The following TERF2 variants were observed in gnomAD, a reference collection of about 807,000 sequenced individuals.
The protein encoded by TERF2 is telomeric repeat-binding factor 2.
A neutral mutation model predicts 56.1 loss-of-function variants in TERF2; 16 were observed. That is an observed-to-expected ratio of 0.29 (90% CI 0.19 to 0.43). The LOEUF (loss-of-function observed/expected upper bound fraction) is 0.43, where lower values mean the gene tolerates loss of function less well. TERF2 is among the 20% of genes least tolerant of loss of function. The probability of loss-of-function intolerance (pLI) is 1.00; values close to 1 mark genes in which losing one functional copy is unlikely to be tolerated. For missense variants in TERF2, 547 were observed against 712.9 expected (o/e 0.77, Z 2.65); for synonymous variants, 296 against 282.1 (o/e 1.05, Z -0.50).
Position 69,356,741 on chromosome 16 carries a change from A to C in TERF2, c.*157T>G. ...CGTGAGCCCGGGAGACGGAGGTCGC[A>C]GTGAGCCGAGATCACGCCACTGCAC... is the stretch of plus-strand genomic sequence containing the variant. On this transcript the variant is annotated 3_prime_UTR_variant, in exon 10 of 10. Coordinates refer to ENST00000254942, the MANE Select transcript of TERF2 (RefSeq NM_005652.5). The C allele has an allele frequency of 1.3e-6, 1 of 765,864 alleles. No homozygotes were observed. The highest frequency in any genetic ancestry group is 3.1e-5 in the East Asian group (1 of 32,206). 47.4% of individuals were successfully genotyped at this position (765,864 alleles called of 1,614,324 possible).
intron 4 of TERF2, 101 bp from the exon 5 acceptor site, chr16:69,370,730 C>T (rs1289033257): frequency 2.0e-5 from 24 of 1,188,818 alleles, no homozygotes; most frequent in African/African-American, 6.1e-5. Context: ...TCTGCAATGC[C>T]GTCAATGCAA....
chr16:69,361,514 AG>A (rs1259072934), intron 7 of TERF2, 25 bp from the exon 8 acceptor site: 1 of 1,540,692 alleles, frequency 6.5e-7, no homozygotes, highest in Non-Finnish European at 9.0e-7. Flanking sequence ...AGGAGAGCAC[AG>A]GTATAAAACA....
At chr16:69,368,314 G>T in intron 6 of TERF2, 62 bp downstream of exon 6, 1 of 1,501,934 alleles carries the variant, frequency 6.7e-7, no homozygotes. Flanking sequence ...GCCTAAGGAG[G>T]AGACTGCTTC....
intron 6 of TERF2, among the ~76,000 whole-genome samples, chr16:69,367,446 G>C (rs1317864184): frequency 6.6e-6 from 1 of 152,080 alleles, no homozygotes; most frequent in African/African-American, 2.4e-5. Flanking sequence ...AGGATACAGT[G>C]GCACAAACAC....
intron 3 of TERF2, among the ~76,000 whole-genome samples, chr16:69,379,306 C>A (rs1192033493): frequency 1.3e-5 from 2 of 152,204 alleles, no homozygotes; most frequent in Admixed American, 6.5e-5. Flanking sequence ...ATGTAAAGTT[C>A]TAACAGAGTG....
chr16:69,368,635 G>C, intron 5 of TERF2, 153 bp from the exon 6 acceptor site: 3 of 1,527,458 alleles, frequency 2.0e-6, no homozygotes, highest in Non-Finnish European at 2.6e-6. Flanking sequence ...GAGAGAACTT[G>C]TAAGACTTAT....
intron 3 of TERF2, among the ~76,000 whole-genome samples, chr16:69,380,614 G>A (rs1299798839): frequency 6.7e-6 from 1 of 148,678 alleles, no homozygotes; most frequent in African/African-American, 2.5e-5. Flanking sequence ...CCGAGATCAC[G>A]CCACTATACT....
At position 69,384,431 on chromosome 16, in the gene TERF2, G is replaced by A. The variant is rs537994689; in HGVS notation, c.606+149C>T. The A allele has an allele frequency of 4.8e-6, 4 of 839,018 alleles. No homozygotes were observed. In the South Asian group the frequency reaches 8.7e-5, roughly 18 times the overall value. 52.0% of individuals were successfully genotyped at this position (839,018 alleles called of 1,614,324 possible). On this transcript the variant is annotated intron_variant, in intron 3 of 9. Transcript: ENST00000254942. ...CTGGGTGGGAAAGGAGACACCTGAA[G>A]AAATAACGTCTGTGTGTGTGCTTTC...
chr16:69,369,654 A>AC (rs1180373993), intron 5 of TERF2, among the ~76,000 whole-genome samples: 1 of 152,210 alleles, frequency 6.6e-6, no homozygotes, highest in African/African-American at 2.4e-5. Context: ...TTCCTTCACC[A>AC]CAGTCTCCCA....
rs143392437 is a variant in TERF2, at chr16:69,383,375, A to G, written c.606+1205T>C. On this transcript the variant is annotated intron_variant, in intron 3 of 9. Coordinates refer to ENST00000254942, the MANE Select transcript of TERF2 (RefSeq NM_005652.5). ...GCTTCTGTTCCCAAGTATTTTGGAT[A>G]AGGGATACTCAATGTGTACTTAATA... 2.0e-5 allele frequency among the ~76,000 whole-genome samples: 3 copies of G among 152,338 alleles called. No individual in the cohort carries two copies. The East Asian group carries it at 5.8e-4, about 29-fold the overall frequency.
Position 69,372,291 on chromosome 16 carries a change from A to G in TERF2, c.671T>C (p.Met224Thr), listed in dbSNP as rs769330021. 1.2e-6 allele frequency: 2 copies of G among 1,611,670 alleles called. No individual in the cohort carries two copies. The highest frequency in any genetic ancestry group is 1.7e-6 in the Non-Finnish European group (2 of 1,179,034). ...EKASKILKKHMSKDPTTQKLR... is the reference protein window; with the variant it reads ...EKASKILKKHTSKDPTTQKLR... ...TACCTGAGTTGTGGGGTCCTTGGAC[A>G]TATGTTTTTTCAAAATTTTTGAAGC... Residue 224 changes from methionine to threonine, a missense_variant, in exon 4 of 10, where the codon ATG becomes ACG. Met to Thr is a moderately conservative substitution (Grantham distance 81, BLOSUM62 -1). Around this residue, in one of 6 missense-constraint regions of TERF2, gnomAD observed 97 missense variants for 157.0 expected, o/e 0.62. Coordinates refer to ENST00000254942, the MANE Select transcript of TERF2 (RefSeq NM_005652.5).
chr16:69,384,534 C>T (rs373360356), intron 3 of TERF2, 46 bp downstream of exon 3: 18 of 1,597,344 alleles, frequency 1.1e-5, no homozygotes, highest in Non-Finnish European at 1.4e-5. Context: ...CCTCAAAGAC[C>T]CTTGATTTTT....
chr16:69,357,593 A>G, intron 8 of TERF2, 32 bp from the exon 9 acceptor site: 2 of 1,611,222 alleles, frequency 1.2e-6, no homozygotes, highest in Non-Finnish European at 1.7e-6. Context: ...CTCATTTCAG[A>G]GTTCACCTTT....
At chr16:69,383,144 C>T (rs79141311) in intron 3 of TERF2, among the ~76,000 whole-genome samples, 3,663 of 152,134 alleles carry the variant, frequency 0.024, 79 homozygotes, top group Admixed American at 0.035. Flanking sequence ...AATCTATAGC[C>T]CTTGTGTTCT....
At position 69,370,598 on chromosome 16, in the gene TERF2, C is replaced by T. The variant is rs1411203913; in HGVS notation, c.725G>A (p.Arg242Gln). 1.2e-6 allele frequency: 2 copies of T among 1,613,386 alleles called. No homozygotes were observed. Among genetic ancestry groups the T allele is most frequent in the Non-Finnish European group, 1.7e-6 (2 of 1,179,826 alleles). Reference sequence around the variant, plus strand: ...AACAGGATGGGCCAAGTTCTTTTCTCGAATAATATTCAGGAGATCATTTCT... The same window carrying T: ...AACAGGATGGGCCAAGTTCTTTTCTTGAATAATATTCAGGAGATCATTTCT... ...KLRNDLLNII[R>Q]EKNLAHPVIQ... Residue 242 changes from arginine to glutamine, a missense_variant, in exon 5 of 10, where the codon CGA becomes CAA. Coordinates refer to ENST00000254942, the MANE Select transcript of TERF2 (RefSeq NM_005652.5).
intron 4 of TERF2, 77 bp from the exon 5 acceptor site, chr16:69,370,706 A>G: frequency 7.0e-7 from 1 of 1,430,126 alleles, no homozygotes; most frequent in African/African-American, 1.4e-5. Flanking sequence ...GGTGAGACAG[A>G]CACTATGAGA....
chr16:69,378,957 G>A (rs1220839910), intron 3 of TERF2, among the ~76,000 whole-genome samples: 1 of 149,996 alleles, frequency 6.7e-6, no homozygotes, highest in Non-Finnish European at 1.5e-5. Context: ...CTGTGGGGGG[G>A]GGGAAATTAA....
intron 6 of TERF2, among the ~76,000 whole-genome samples, chr16:69,367,896 C>G (rs2013410163): frequency 6.6e-6 from 1 of 152,204 alleles, no homozygotes; most frequent in African/African-American, 2.4e-5. Context: ...TCCCACAGAG[C>G]AACAACCACA....
At chr16:69,371,018 C>CACACAA (rs779266837) in intron 4 of TERF2, among the ~76,000 whole-genome samples, 32 of 150,004 alleles carry the variant, frequency 2.1e-4, no homozygotes, top group Non-Finnish European at 4.1e-4. Flanking sequence ...CACACACACA[C>CACACAA]AATTTGCTTG....
Sources: gnomAD v4.1 joint callset for allele counts (sites outside exome capture counted in the v4.1 genomes callset) on GRCh38, gnomAD v4.1.1 for gene constraint, gnomAD v4.1.1 regional missense constraint, MANE v1.5 for transcripts, NCBI Gene and HGNC (gene_info 2026-07-23, HGNC 2026-07-21) for gene names.